Variants in MAPK1IP1L observed in about 807,000 individuals in gnomAD.
MAPK1IP1L encodes MAPK-interacting and spindle-stabilizing protein-like.
In MAPK1IP1L, 10 loss-of-function variants were observed where a neutral mutation model predicts 18.1. The observed-to-expected ratio is 0.55, with a 90% confidence interval of 0.34 to 0.94. The LOEUF (loss-of-function observed/expected upper bound fraction) is 0.94. Ranked by LOEUF, MAPK1IP1L falls within the 40% of genes least tolerant of loss-of-function variation. The probability of loss-of-function intolerance (pLI) is 0.02; values close to 1 mark genes in which losing one functional copy is unlikely to be tolerated. For missense variants in MAPK1IP1L, 260 were observed against 318.2 expected (o/e 0.82, Z 1.39); for synonymous variants, 115 against 117.3 (o/e 0.98, Z 0.13).
chr14:55,059,225 G>GAAAAAAAAAAAAAAAAAAAGGAAAATCTA (rs2042795688), intron 1 of MAPK1IP1L, among the ~76,000 whole-genome samples: 3 of 63,266 alleles, frequency 4.7e-5, no homozygotes, highest in Non-Finnish European at 9.2e-5. Context: ...AGGAAAATCT[G>GAAAAAAAAAAAAAAAAAAAGGAAAATCTA]AAAAAAAAAA....
At position 55,062,598 on chromosome 14, in the gene MAPK1IP1L, G is replaced by GT; in HGVS notation, c.19-19dup. ...TAACTTTTCCCTAGATAGGAAAGAC[G>GT]TATCTGTTTTGTGTTCCAGTTGGCA... On this transcript the variant is annotated intron_variant, in intron 2 of 3. Transcript: ENST00000395468. 1 of 1,585,632 alleles carries GT rather than the reference G, an allele frequency of 6.3e-7. No homozygotes were observed. The highest frequency in any genetic ancestry group is 8.6e-7 in the Non-Finnish European group (1 of 1,162,292).
chr14:55,054,250 G>C (rs1337494126), intron 1 of MAPK1IP1L, among the ~76,000 whole-genome samples: 2 of 136,984 alleles, frequency 1.5e-5, no homozygotes, highest in Non-Finnish European at 3.0e-5. Context: ...CGATTCTCCT[G>C]CCTCAGCCTA....
At chr14:55,061,213 CATT>C (rs1479205996) in intron 1 of MAPK1IP1L, among the ~76,000 whole-genome samples, 3 of 152,102 alleles carry the variant, frequency 2.0e-5, no homozygotes, top group African/African-American at 4.8e-5. Context: ...TATCTATTGT[CATT>C]ATAAACAATA....
At chr14:55,055,320 A>G (rs928651818) in intron 1 of MAPK1IP1L, among the ~76,000 whole-genome samples, 1 of 152,110 alleles carries the variant, frequency 6.6e-6, no homozygotes, top group Admixed American at 6.6e-5. Flanking sequence ...CTCTCCTCAT[A>G]TTGAAACGTT....
At chr14:55,055,191 T>A (rs558265967) in intron 1 of MAPK1IP1L, among the ~76,000 whole-genome samples, 2 of 152,048 alleles carry the variant, frequency 1.3e-5, no homozygotes, top group East Asian at 3.9e-4. Flanking sequence ...GTCTCTTAAC[T>A]ACTGGCCTCA....
intron 1 of MAPK1IP1L, among the ~76,000 whole-genome samples, chr14:55,052,545 G>A (rs2042739037): frequency 6.6e-6 from 1 of 152,140 alleles, no homozygotes; most frequent in Non-Finnish European, 1.5e-5. Context: ...CTTTTAATAG[G>A]TAAAGATTCC....
At chr14:55,052,182 G>A (rs1175630472) in intron 1 of MAPK1IP1L, among the ~76,000 whole-genome samples, 1 of 125,588 alleles carries the variant, frequency 8.0e-6, no homozygotes, top group Admixed American at 1.0e-4. Context: ...GGTTGATCCC[G>A]GACTCCCTTT....
At chr14:55,064,154 C>A (rs1439057878) in intron 3 of MAPK1IP1L, among the ~76,000 whole-genome samples, 1 of 151,584 alleles carries the variant, frequency 6.6e-6, no homozygotes, top group Admixed American at 6.6e-5. Context: ...GCCACCACAC[C>A]GGCTCATTTT....
intron 1 of MAPK1IP1L, chr14:55,060,380 T>A (rs775708689): frequency 5.3e-5 from 8 of 152,170 alleles, no homozygotes; most frequent in Non-Finnish European, 8.8e-5. Context: ...TTTCACCGTG[T>A]TAGCCAGGAT....
chr14:55,052,098 C>G (rs1042688043), intron 1 of MAPK1IP1L, among the ~76,000 whole-genome samples: 1 of 151,394 alleles, frequency 6.6e-6, no homozygotes, highest in African/African-American at 2.4e-5. Context: ...GGCTGCGGGG[C>G]GGGGCGGGCG....
intron 1 of MAPK1IP1L, among the ~76,000 whole-genome samples, chr14:55,053,765 T>C (rs2042749014): frequency 6.6e-6 from 1 of 152,204 alleles, no homozygotes; most frequent in African/African-American, 2.4e-5. Flanking sequence ...TACTCCCGGC[T>C]CTTTCCTTAT....
rs556199146 is a variant in MAPK1IP1L at position 55,063,380 on chromosome 14, A to T, written c.726+55A>T. 707 of 1,424,516 alleles carry T rather than the reference A, an allele frequency of 5.0e-4. 9 individuals are homozygous for T. The South Asian group carries it at 9.0e-3, about 18-fold the overall frequency. 88.2% of individuals were successfully genotyped at this position (1,424,516 alleles called of 1,614,324 possible). ...ACTAATTGTACATAGCACAACTGACATTGTTTCTCCCCAGTTTTGGATGGA... is the reference window on the plus strand; with the variant it reads ...ACTAATTGTACATAGCACAACTGACTTTGTTTCTCCCCAGTTTTGGATGGA... On this transcript the variant is annotated intron_variant, in intron 3 of 3. Transcript: ENST00000395468.
chr14:55,052,634 G>T (rs2042739736), intron 1 of MAPK1IP1L, among the ~76,000 whole-genome samples: 1 of 152,138 alleles, frequency 6.6e-6, no homozygotes, highest in Non-Finnish European at 1.5e-5. Context: ...ACACACCTGG[G>T]GGTTGTAAAG....
Position 55,065,115 on chromosome 14 carries a change from T to C in MAPK1IP1L, c.*488T>C, listed in dbSNP as rs2042851937. ...TGCTCTGTCGGACAAATAAACCTGG[T>C]CCTCTTGAGGTTATATTTTGGATAT... On this transcript the variant is annotated 3_prime_UTR_variant, in exon 4 of 4. Coordinates refer to ENST00000395468, the MANE Select transcript of MAPK1IP1L (RefSeq NM_144578.4). 2 of 152,688 alleles carry C rather than the reference T, an allele frequency of 1.3e-5. No homozygotes were observed. The highest frequency in any genetic ancestry group is 4.1e-4 in the South Asian group (2 of 4,836). 9.5% of individuals were successfully genotyped at this position (152,688 alleles called of 1,614,324 possible).
chr14:55,055,844 C>G (rs905683631), intron 1 of MAPK1IP1L, among the ~76,000 whole-genome samples: 1 of 152,144 alleles, frequency 6.6e-6, no homozygotes, highest in Admixed American at 6.5e-5. Context: ...GTAGGAGAAT[C>G]ACTTAAACCT....
rs2042869652 is a variant in MAPK1IP1L, at chr14:55,067,179, C to T, written c.*2552C>T. 1 of 148,072 alleles carries T rather than the reference C, an allele frequency of 6.8e-6. No homozygotes were observed. The allele number at this position is 148,072 out of a possible 1,614,324, so 9.2% of individuals were successfully genotyped here. A position where few individuals can be genotyped will look rare whatever the true frequency, so the allele number is the denominator to read the frequency against. ...TTGGCTTCCCAAAGTGCTGGGATTA[C>T]AGGCGTGAGCCACCACGTCCGGCCG... On this transcript the variant is annotated 3_prime_UTR_variant, in exon 4 of 4. Coordinates refer to ENST00000395468, the MANE Select transcript of MAPK1IP1L (RefSeq NM_144578.4).
intron 1 of MAPK1IP1L, chr14:55,060,793 A>C (rs1216119646): frequency 1.3e-5 from 2 of 152,162 alleles, no homozygotes; most frequent in East Asian, 3.9e-4. Context: ...GTTGAGTGCT[A>C]ATTACACTTC....
intron 1 of MAPK1IP1L, among the ~76,000 whole-genome samples, chr14:55,058,529 C>T (rs141021557): frequency 1.5e-4 from 23 of 152,132 alleles, no homozygotes; most frequent in African/African-American, 4.3e-4. Context: ...TCTGCATTTG[C>T]GGGTAGAAAA....
chr14:55,063,098 C>T lies in MAPK1IP1L; in HGVS notation c.499C>T (p.Pro167Ser), dbSNP rs1463350122. The T allele has an allele frequency of 6.2e-7, 1 of 1,613,396 alleles. No individual in the cohort carries two copies. The highest frequency in any genetic ancestry group is 1.1e-5 in the South Asian group (1 of 91,042). ...MGGQYPTPNM[P>S]YPSPGPYPAP... ...AGGGCAGTATCCTACCCCTAATATG[C>T]CATATCCATCTCCAGGCCCATATCC... The change falls in exon 3 of 4, where the codon CCA (proline) becomes TCA (serine). Residue 167 changes from proline (P) to serine (S), a missense_variant. Transcript: ENST00000395468.
Sources: gnomAD v4.1 joint callset for allele counts (sites outside exome capture counted in the v4.1 genomes callset) on GRCh38, gnomAD v4.1.1 for gene constraint, MANE v1.5 for transcripts, NCBI Gene and HGNC (gene_info 2026-07-23, HGNC 2026-07-21) for gene names.